Variants in ANKRD22 observed in about 807,000 individuals in gnomAD.
The protein encoded by ANKRD22 is ankyrin repeat domain 22, also known as ankyrin repeat domain-containing protein 22.
In ANKRD22, 24 loss-of-function variants were observed where a neutral mutation model predicts 25.7. The observed-to-expected ratio is 0.93, with a 90% confidence interval of 0.68 to 1.31. The LOEUF is 1.31. Among genes scored for constraint, ANKRD22 ranks in the 50% most tolerant of loss-of-function variants. The pLI is 0.00. For missense variants in ANKRD22, 214 were observed against 227.1 expected (o/e 0.94, Z 0.37); for synonymous variants, 84 against 84.3 (o/e 1.00, Z 0.02).
At chr10:88,843,533 GTTTAC>G (rs1391715552) in intron 1 of ANKRD22, among the ~76,000 whole-genome samples, 1 of 152,134 alleles carries the variant, frequency 6.6e-6, no homozygotes, top group Non-Finnish European at 1.5e-5. Context: ...TTTCAAAATT[GTTTAC>G]TTTAGTGGCA....
In ANKRD22 at chr10:88,823,270, C is replaced by A. The variant is rs781741111; in HGVS notation, c.498+10G>T. Reference sequence around the variant, plus strand: ...AGAGGAACCTCAGACCACGGTCCACCCTCCCTTACCTTATTCTTTATTGTG... The same window carrying A: ...AGAGGAACCTCAGACCACGGTCCACACTCCCTTACCTTATTCTTTATTGTG... On this transcript the variant is annotated intron_variant, in intron 5 of 5. Transcript: ENST00000371930. 6.2e-7 allele frequency: 1 copy of A among 1,605,528 alleles called. No individual in the cohort carries two copies. The highest frequency in any genetic ancestry group is 1.1e-5 in the South Asian group (1 of 90,860).
In ANKRD22 at chr10:88,822,769, G is replaced by A. The variant is rs2133067999; in HGVS notation, c.*172C>T. 4.8e-6 allele frequency: 3 copies of A among 631,556 alleles called. No individual in the cohort carries two copies. The highest frequency in any genetic ancestry group is 8.3e-6 in the Non-Finnish European group (3 of 359,694). The allele number at this position is 631,556 out of a possible 1,614,324, so 39.1% of individuals were successfully genotyped here. A position where few individuals can be genotyped will look rare whatever the true frequency, so the allele number is the denominator to read the frequency against. On this transcript the variant is annotated 3_prime_UTR_variant, in exon 6 of 6. Coordinates refer to ENST00000371930, the MANE Select transcript of ANKRD22 (RefSeq NM_144590.3). ...TTACGGCCATGGTGAACTTGACTGA[G>A]TAAACAATGCTATAAATAAAAAGCT...
At chr10:88,837,878 C>T (rs1321710953) in intron 1 of ANKRD22, among the ~76,000 whole-genome samples, 2 of 152,222 alleles carry the variant, frequency 1.3e-5, no homozygotes, top group East Asian at 1.9e-4. Flanking sequence ...ATTGACTTTG[C>T]TCCTCATTTG....
intron 2 of ANKRD22, among the ~76,000 whole-genome samples, chr10:88,830,698 C>T (rs776368233): frequency 1.7e-4 from 26 of 152,202 alleles, no homozygotes; most frequent in Non-Finnish European, 3.4e-4. Context: ...GGCTGAGGCC[C>T]TCCTCTTCTG....
intron 1 of ANKRD22, among the ~76,000 whole-genome samples, chr10:88,848,066 G>T (rs1245952685): frequency 6.6e-6 from 1 of 151,434 alleles, no homozygotes; most frequent in Non-Finnish European, 1.5e-5. Context: ...TTTTCTACTT[G>T]TTTCATGTTT....
chr10:88,846,926 C>T (rs1437148586), intron 1 of ANKRD22, among the ~76,000 whole-genome samples: 1 of 152,130 alleles, frequency 6.6e-6, no homozygotes, highest in Non-Finnish European at 1.5e-5. Flanking sequence ...GCTTTCTGAT[C>T]AGCAGATGTT....
chr10:88,821,649 A>G lies in ANKRD22; in HGVS notation c.*1292T>C, dbSNP rs1055028826. Among the ~76,000 whole-genome samples, 1 of 152,216 alleles carries G rather than the reference A, an allele frequency of 6.6e-6. No homozygotes were observed. Among genetic ancestry groups the G allele is most frequent in the Non-Finnish European group, 1.5e-5 (1 of 68,032 alleles). On this transcript the variant is annotated 3_prime_UTR_variant, in exon 6 of 6. Coordinates refer to ENST00000371930, the MANE Select transcript of ANKRD22 (RefSeq NM_144590.3). ...ACACTATTACTTCCTTCATAAAATAAGTTTCTTAAATCCTGTACACAGTTG... is the reference window on the plus strand; with the variant it reads ...ACACTATTACTTCCTTCATAAAATAGGTTTCTTAAATCCTGTACACAGTTG...
chr10:88,837,873 C>T (rs1843968675), intron 1 of ANKRD22, among the ~76,000 whole-genome samples: 1 of 152,238 alleles, frequency 6.6e-6, no homozygotes, highest in Non-Finnish European at 1.5e-5. Flanking sequence ...CCATGATTGA[C>T]TTTGCTCCTC....
intron 1 of ANKRD22, among the ~76,000 whole-genome samples, chr10:88,849,190 T>G (rs1392425313): frequency 6.6e-6 from 1 of 152,174 alleles, no homozygotes; most frequent in African/African-American, 2.4e-5. Context: ...GTCTCCTAAG[T>G]ATTAGTTCCT....
chr10:88,823,251 A>C, intron 5 of ANKRD22, 29 bp downstream of exon 5: 1 of 1,567,178 alleles, frequency 6.4e-7, no homozygotes, highest in Non-Finnish European at 8.8e-7. Flanking sequence ...TGCTAGAGGA[A>C]CCTCAGACCA....
intron 1 of ANKRD22, among the ~76,000 whole-genome samples, chr10:88,846,594 G>A (rs1249642893): frequency 6.6e-6 from 1 of 152,184 alleles, no homozygotes; most frequent in Non-Finnish European, 1.5e-5. Context: ...CACAAAAGAT[G>A]TCCCTGGTGA....
intron 1 of ANKRD22, among the ~76,000 whole-genome samples, chr10:88,839,616 T>C (rs1415389159): frequency 6.6e-6 from 1 of 152,154 alleles, no homozygotes; most frequent in Admixed American, 6.6e-5. Flanking sequence ...AATGAGCTAG[T>C]GGGTTAAATG....
At position 88,831,982 on chromosome 10, in the gene ANKRD22, C is replaced by T. The variant is rs1376780607; in HGVS notation, c.66G>A (p.Trp22Ter). The T allele has an allele frequency of 2.5e-6, 4 of 1,613,518 alleles. No homozygotes were observed. Among genetic ancestry groups the T allele is most frequent in the Non-Finnish European group, 3.4e-6 (4 of 1,179,832 alleles). ...AAYQNDFGQV[W>*]RWVKEDSSYA... ...AGCTGCTGTCTTCTTTCACCCACCGCCACACTTGTCCAAAGTCATTCTGAT... is the reference window on the plus strand; with the variant it reads ...AGCTGCTGTCTTCTTTCACCCACCGTCACACTTGTCCAAAGTCATTCTGAT... Residue 22 changes from tryptophan to a stop codon, truncating the protein, a stop_gained, in exon 2 of 6, where the codon TGG becomes TGA. Transcript: ENST00000371930. LOFTEE classifies it high-confidence loss of function.
chr10:88,826,076 G>A lies in ANKRD22; in HGVS notation c.361C>T (p.Leu121=), dbSNP rs1221569680. The part of the protein sequence containing the change: ...TKQNEALVRM[L]LDAGVEVNAT... Reference sequence around the variant, plus strand: ...TTAACTTCGACGCCAGCATCAAGTAGCATTCGTACAAGAGCCTCATTCTGC... The same window carrying A: ...TTAACTTCGACGCCAGCATCAAGTAACATTCGTACAAGAGCCTCATTCTGC... The change falls in exon 4 of 6, where the codon CTA becomes TTA. Residue 121 remains leucine (L), a synonymous_variant. Coordinates refer to ENST00000371930, the MANE Select transcript of ANKRD22 (RefSeq NM_144590.3). 5 of 1,612,998 alleles carry A rather than the reference G, an allele frequency of 3.1e-6. No homozygotes were observed. Among genetic ancestry groups the A allele is most frequent in the East Asian group, 2.2e-5 (1 of 44,862 alleles).
chr10:88,830,899 C>T (rs990272860), intron 2 of ANKRD22, among the ~76,000 whole-genome samples: 7 of 152,192 alleles, frequency 4.6e-5, no homozygotes, highest in Non-Finnish European at 1.0e-4. Context: ...TTATAGTCCA[C>T]GATGTTGCAT....
chr10:88,831,701 TA>T, intron 2 of ANKRD22, 133 bp downstream of exon 2: 1 of 885,498 alleles, frequency 1.1e-6, no homozygotes, highest in Non-Finnish European at 1.6e-6. Flanking sequence ...TCAGTCTTTC[TA>T]AAGTAGGCTA....
rs774445547 is a variant in ANKRD22, at chr10:88,831,834, C to G, written c.213+1G>C. 6.2e-7 allele frequency: 1 copy of G among 1,603,594 alleles called. No homozygotes were observed. Among genetic ancestry groups the G allele is most frequent in the East Asian group, 2.2e-5 (1 of 44,666 alleles). ...ACTCTCCATTCATGTCATGACCTCACCTGGTTTTTGAGGTTGACATTAGCA... is the reference window on the plus strand; with the variant it reads ...ACTCTCCATTCATGTCATGACCTCAGCTGGTTTTTGAGGTTGACATTAGCA... On this transcript the variant is annotated splice_donor_variant, in intron 2 of 5. Transcript: ENST00000371930. LOFTEE classifies it high-confidence loss of function.
intron 4 of ANKRD22, among the ~76,000 whole-genome samples, chr10:88,825,082 C>T (rs1376409384): frequency 6.7e-6 from 1 of 148,262 alleles, no homozygotes; most frequent in Non-Finnish European, 1.5e-5. Context: ...ATAGGCAAAA[C>T]CGAAATGATG....
intron 1 of ANKRD22, among the ~76,000 whole-genome samples, chr10:88,835,985 G>A (rs1843950731): frequency 6.6e-6 from 1 of 152,178 alleles, no homozygotes; most frequent in Non-Finnish European, 1.5e-5. Context: ...CCTGGGTGTA[G>A]AAGAAACACA....
Sources: gnomAD v4.1 joint callset for allele counts (sites outside exome capture counted in the v4.1 genomes callset) on GRCh38, gnomAD v4.1.1 for gene constraint, MANE v1.5 for transcripts, NCBI Gene and HGNC (gene_info 2026-07-23, HGNC 2026-07-21) for gene names.